Variants in HSPA12A observed in about 807,000 individuals in gnomAD.
The protein encoded by HSPA12A is heat shock protein family A (Hsp70) member 12A, also known as heat shock 70 kDa protein 12A.
Under a neutral mutation model 69.2 loss-of-function variants are expected in HSPA12A, and 28 were observed. The observed-to-expected ratio is 0.40, with a 90% CI of 0.30 to 0.55. HSPA12A has a LOEUF of 0.55. Ranked by LOEUF, HSPA12A falls within the 20% of genes least tolerant of loss-of-function variation. The pLI, the probability that HSPA12A is intolerant of heterozygous loss-of-function variation, is 0.38. For missense variants in HSPA12A, 686 were observed against 900.7 expected, an observed-to-expected ratio of 0.76 and a Z score of 3.05; for synonymous variants, 345 against 370.5, an observed-to-expected ratio of 0.93 and a Z score of 0.79.
chr10:116,803,098 G>A (rs1267167481), intron 2 of HSPA12A, among the ~76,000 whole-genome samples: 2 of 152,238 alleles, frequency 1.3e-5, no homozygotes, highest in Non-Finnish European at 2.9e-5. Context: ...GAAAGCTGAC[G>A]CAGGCGCCAC....
At chr10:116,809,994 G>C (rs2133181289) in intron 2 of HSPA12A, among the ~76,000 whole-genome samples, 1 of 152,264 alleles carries the variant, frequency 6.6e-6, no homozygotes, top group Non-Finnish European at 1.5e-5. Context: ...AGGCTATGTG[G>C]ACCAGAGAGG....
In HSPA12A at chr10:116,674,549, T is replaced by C. The variant is rs1589615398; in HGVS notation, c.*232A>G. The C allele has an allele frequency of 4.1e-5, 23 of 564,770 alleles. 1 individual carries two copies. The East Asian group carries it at 6.8e-4, about 17-fold the overall frequency. The allele number at this position is 564,770 out of a possible 1,614,324, so 35.0% of individuals were successfully genotyped here. ...TGTACCTATGAAAACTAGCTGCTCC[T>C]CCAGGATCCTTTAATTTTCTATGCC... On this transcript the variant is annotated 3_prime_UTR_variant, in exon 12 of 12. Transcript: ENST00000369209.
intron 2 of HSPA12A, among the ~76,000 whole-genome samples, chr10:116,771,595 A>G (rs1313822732): frequency 6.6e-6 from 1 of 152,236 alleles, no homozygotes; most frequent in African/African-American, 2.4e-5. Context: ...GAATACATCC[A>G]AAAGGATGGG....
At chr10:116,719,705 G>C (rs1185152399) in intron 1 of HSPA12A, among the ~76,000 whole-genome samples, 1 of 152,198 alleles carries the variant, frequency 6.6e-6, no homozygotes, top group Non-Finnish European at 1.5e-5. Context: ...GTCTTAACAA[G>C]TGTACCTATT....
In HSPA12A at chr10:116,675,030, G is replaced by A. The variant is rs1554877379; in HGVS notation, c.1779C>T (p.Pro593=). Residue 593 remains proline (P), a synonymous_variant, in exon 12 of 12, where the codon CCC becomes CCT. Coordinates refer to ENST00000369209, the MANE Select transcript of HSPA12A (RefSeq NM_025015.3). The surrounding 1 kb of genome is among the most constrained non-coding windows in gnomAD (Gnocchi z 5.2). The part of the protein sequence containing the change: ...LVKRSYTPAK[P]SQLVIVINIY... The stretch of plus-strand genomic sequence containing the variant: ...TGTTGATGACAATGACCAGCTGGGA[G>A]GGCTTGGCCGGGGTGTAGCTACGCT... 1.9e-6 allele frequency: 3 copies of A among 1,614,218 alleles called. No individual in the cohort carries two copies. Among genetic ancestry groups the A allele is most frequent in the Non-Finnish European group, 1.7e-6 (2 of 1,180,036 alleles).
At chr10:116,787,210 A>G (rs969588591) in intron 2 of HSPA12A, among the ~76,000 whole-genome samples, 1 of 152,030 alleles carries the variant, frequency 6.6e-6, no homozygotes, top group Non-Finnish European at 1.5e-5. Flanking sequence ...GGCCTGGTTT[A>G]AAAGTCCTTT....
chr10:116,842,810 C>G (rs1845824460), intron 1 of HSPA12A, among the ~76,000 whole-genome samples: 1 of 152,160 alleles, frequency 6.6e-6, no homozygotes, highest in Non-Finnish European at 1.5e-5. Context: ...ACCATCTTGT[C>G]CAGGCTGGTT....
chr10:116,731,574 T>A (rs1554885756), intron 1 of HSPA12A, among the ~76,000 whole-genome samples: 1 of 152,214 alleles, frequency 6.6e-6, no homozygotes, highest in Non-Finnish European at 1.5e-5. Context: ...AACTTTTACA[T>A]GGGAGAAAGT....
At chr10:116,775,555 C>T (rs1214507762) in intron 2 of HSPA12A, among the ~76,000 whole-genome samples, 1 of 152,194 alleles carries the variant, frequency 6.6e-6, no homozygotes, top group Middle Eastern at 3.2e-3. Flanking sequence ...CCTCGTGATA[C>T]TGACTTTCAG....
Position 116,707,303 on chromosome 10 carries a change from G to A in HSPA12A, c.41-18C>T. 1 of 1,596,890 alleles carries A rather than the reference G, an allele frequency of 6.3e-7. No homozygotes were observed. The highest frequency in any genetic ancestry group is 8.6e-7 in the Non-Finnish European group (1 of 1,169,552). ...AGCCGTTTCTGAAAGGAAAAACAAA[G>A]CCGCCTCCTTAGAAGTGGCATGGAC... On this transcript the variant is annotated intron_variant, in intron 1 of 11. Transcript: ENST00000369209.
intron 1 of HSPA12A, among the ~76,000 whole-genome samples, chr10:116,845,265 T>C (rs556846229): frequency 1.1e-4 from 16 of 152,186 alleles, no homozygotes; most frequent in Non-Finnish European, 1.8e-4. Context: ...ATAACTACTA[T>C]TACATTGAGG....
At chr10:116,782,720 G>A (rs1844490639) in intron 2 of HSPA12A, among the ~76,000 whole-genome samples, 1 of 152,214 alleles carries the variant, frequency 6.6e-6, no homozygotes, top group Non-Finnish European at 1.5e-5. Context: ...GAATAAATGA[G>A]ATGCTATTCA....
At chr10:116,726,680 C>T (rs373630862) in intron 1 of HSPA12A, among the ~76,000 whole-genome samples, 8 of 152,342 alleles carry the variant, frequency 5.3e-5, no homozygotes, top group African/African-American at 1.9e-4. Flanking sequence ...CCCCAATATC[C>T]CATCCAGACA....
intron 1 of HSPA12A, chr10:116,835,031 G>A (rs1385563608): frequency 8.2e-7 from 1 of 1,226,580 alleles, no homozygotes; most frequent in Non-Finnish European, 1.0e-6. Flanking sequence ...ATCTGTAGGA[G>A]GGGGGAAAAG....
chr10:116,679,259 T>C (rs1227047401), intron 10 of HSPA12A, among the ~76,000 whole-genome samples: 1 of 152,256 alleles, frequency 6.6e-6, no homozygotes, highest in African/African-American at 2.4e-5. Flanking sequence ...TCCCAGGCAT[T>C]GTTCTAAGCA....
At chr10:116,736,774 A>G (rs1284062270) in intron 1 of HSPA12A, among the ~76,000 whole-genome samples, 1 of 152,162 alleles carries the variant, frequency 6.6e-6, no homozygotes, top group East Asian at 1.9e-4. Context: ...TTCTGCCAAC[A>G]CCTTGGTTTT....
intron 2 of HSPA12A, chr10:116,829,990 C>T (rs1332888323): frequency 1.3e-5 from 2 of 152,200 alleles, no homozygotes; most frequent in African/African-American, 4.8e-5. Flanking sequence ...GGTGGGCACT[C>T]CTGGCAAAGA....
chr10:116,743,133 G>T (rs1851570193), upstream of HSPA12A, among the ~76,000 whole-genome samples: 1 of 152,192 alleles, frequency 6.6e-6, no homozygotes, highest in Admixed American at 6.5e-5. Flanking sequence ...CCTCCAGGCC[G>T]CCTGCGGGAC....
intron 2 of HSPA12A, chr10:116,829,972 T>C (rs1386592174): frequency 2.0e-5 from 3 of 152,212 alleles, no homozygotes; most frequent in Non-Finnish European, 4.4e-5. Context: ...GAGGGCGTTA[T>C]GGGCACTGGT....
Sources: allele counts gnomAD v4.1 joint callset (sites outside exome capture counted in the v4.1 genomes callset), GRCh38; gene constraint gnomAD v4.1.1; non-coding constraint Gnocchi (gnomAD v3.1); transcripts MANE v1.5; gene names NCBI Gene and HGNC (gene_info 2026-07-23, HGNC 2026-07-21).